The following GDAP1 variants were observed in gnomAD, a reference collection of about 807,000 sequenced individuals.
GDAP1 encodes ganglioside-induced differentiation-associated protein 1.
Under a neutral mutation model 40.1 loss-of-function variants are expected in GDAP1, and 34 were observed. The ratio of observed to expected loss-of-function variants is 0.85; its 90% CI spans 0.64 to 1.13. The LOEUF (loss-of-function observed/expected upper bound fraction) is 1.13, where lower values mean the gene tolerates loss of function less well. Among genes scored for constraint, GDAP1 ranks in the 50% most tolerant of loss-of-function variants. GDAP1 has a pLI of 0.00. For synonymous variants in GDAP1, 170 were observed against 157.4 expected (o/e 1.08, Z -0.60); for missense variants, 374 against 433.7 (o/e 0.86, Z 1.22).
chr8:74,454,838 A>G lies in GDAP1; in HGVS notation c.166-33840A>G, dbSNP rs150911431. ...TCAAATTAAATTCTTTTGCCTCTTTAAAAGAAGCTGGGATAGACATATTTG... is the reference window on the plus strand; with the variant it reads ...TCAAATTAAATTCTTTTGCCTCTTTGAAAGAAGCTGGGATAGACATATTTG... On this transcript the variant is annotated intron_variant, in intron 2 of 2. Transcript: ENST00000523640. 3.3e-3 allele frequency among the ~76,000 whole-genome samples: 503 copies of G among 151,466 alleles called. 8 individuals are homozygous for G. Among genetic ancestry groups the G allele is most frequent in the Admixed American group, 0.024 (358 of 15,182 alleles).
chr8:74,360,407 G>A, intron 3 of GDAP1, 97 bp downstream of exon 3: 6 of 1,059,442 alleles, frequency 5.7e-6, no homozygotes, highest in South Asian at 2.5e-5. Context: ...AAGAAGATTG[G>A]GAATAGGGTT....
chr8:74,373,430 C>T (rs149824330), intron 2 of GDAP1, among the ~76,000 whole-genome samples: 13 of 152,098 alleles, frequency 8.5e-5, no homozygotes, highest in East Asian at 7.8e-4. Flanking sequence ...TCTTTTATTT[C>T]GTTGAGCACT....
intron 2 of GDAP1, among the ~76,000 whole-genome samples, chr8:74,478,919 G>A (rs184296481): frequency 1.1e-4 from 17 of 152,278 alleles, no homozygotes; most frequent in African/African-American, 3.8e-4. Context: ...TCCAGTGCAT[G>A]GTAGCCTTGT....
chr8:74,423,144 T>G (rs978992823), intron 2 of GDAP1, among the ~76,000 whole-genome samples: 10 of 147,472 alleles, frequency 6.8e-5, no homozygotes, highest in Admixed American at 5.5e-4. Context: ...ATCAAATATT[T>G]TTTGAACACC....
rs1810217294 is a variant in GDAP1 at position 74,397,245 on chromosome 8, T to A, written c.165+45924T>A. 2.0e-5 allele frequency among the ~76,000 whole-genome samples: 3 copies of A among 151,704 alleles called. No individual in the cohort carries two copies. The South Asian group carries it at 6.2e-4, about 31-fold the overall frequency. On this transcript the variant is annotated intron_variant, in intron 2 of 2. Transcript: ENST00000523640. Reference sequence around the variant, plus strand: ...AAATTTGTTTGAATTCATTGTAGATTCTGGATATTAGCCCTTTGTCAGATG... The same window carrying A: ...AAATTTGTTTGAATTCATTGTAGATACTGGATATTAGCCCTTTGTCAGATG...
chr8:74,455,071 A>G (rs1806319045), intron 2 of GDAP1, among the ~76,000 whole-genome samples: 2 of 152,130 alleles, frequency 1.3e-5, no homozygotes, highest in Admixed American at 1.3e-4. Flanking sequence ...AGACAATATG[A>G]GTGTTTCATA....
At chr8:74,422,876 T>A (rs547552704) in intron 2 of GDAP1, among the ~76,000 whole-genome samples, 10 of 151,860 alleles carry the variant, frequency 6.6e-5, no homozygotes, top group Admixed American at 1.3e-4. Context: ...AGACAGGGAC[T>A]AGAGTTGTTT....
At position 74,365,819 on chromosome 8, in the gene GDAP1, CTCAG is replaced by C. The variant is rs747652100; in HGVS notation, c.*1456_*1459del. On this transcript the variant is annotated 3_prime_UTR_variant, in exon 6 of 6. Transcript: ENST00000220822. ...AAATTAATAAAACCTCCAGAGTAAACTCAGTCAAACAATAATTGAGTAGCAGCTT... is the reference window on the plus strand; with the variant it reads ...AAATTAATAAAACCTCCAGAGTAAACTCAAACAATAATTGAGTAGCAGCTT... 83 of 454,180 alleles carry C rather than the reference CTCAG, an allele frequency of 1.8e-4. No homozygotes were observed. Among genetic ancestry groups the C allele is most frequent in the African/African-American group, 1.4e-3 (72 of 50,046 alleles). The allele number at this position is 454,180 out of a possible 1,614,324, so 28.1% of individuals were successfully genotyped here.
chr8:74,351,846 A>AG (rs1239545561), intron 2 of GDAP1, among the ~76,000 whole-genome samples: 2 of 152,182 alleles, frequency 1.3e-5, no homozygotes, highest in East Asian at 1.9e-4. Flanking sequence ...TAAAAACAAG[A>AG]GGGAAAAAAG....
intron 2 of GDAP1, among the ~76,000 whole-genome samples, chr8:74,422,630 C>T (rs1805893037): frequency 6.6e-6 from 1 of 151,552 alleles, no homozygotes; most frequent in Non-Finnish European, 1.5e-5. Context: ...GAAGCACTTT[C>T]CCCCAAGGTC....
chr8:74,371,653 C>A (rs180766181), downstream of GDAP1, among the ~76,000 whole-genome samples: 116 of 150,674 alleles, frequency 7.7e-4, no homozygotes, highest in African/African-American at 2.8e-3. Flanking sequence ...GAGCGAGACT[C>A]CGTCTCAAAA....
intron 2 of GDAP1, among the ~76,000 whole-genome samples, chr8:74,478,249 C>T (rs552466193): frequency 2.6e-5 from 4 of 152,056 alleles, no homozygotes; most frequent in South Asian, 2.1e-4. Context: ...GTCAGGTGCA[C>T]GTGCACACAT....
At chr8:74,426,740 T>A (rs1805951974) in intron 2 of GDAP1, among the ~76,000 whole-genome samples, 1 of 152,220 alleles carries the variant, frequency 6.6e-6, no homozygotes, top group South Asian at 2.1e-4. Flanking sequence ...TGAACAGACA[T>A]CTTCTTGATT....
chr8:74,483,934 G>A (rs894248657), intron 2 of GDAP1, among the ~76,000 whole-genome samples: 3 of 152,152 alleles, frequency 2.0e-5, no homozygotes, highest in Non-Finnish European at 4.4e-5. Context: ...CACGGATTTC[G>A]ACAGGATGAA....
intron 2 of GDAP1, among the ~76,000 whole-genome samples, chr8:74,355,608 A>G (rs1004123070): frequency 1.3e-5 from 2 of 152,220 alleles, no homozygotes; most frequent in Admixed American, 1.3e-4. Flanking sequence ...AGGTGAATGT[A>G]CACACAAATG....
At position 74,401,585 on chromosome 8, in the gene GDAP1, A is replaced by G. The variant is rs1810341447; in HGVS notation, c.165+50264A>G. On this transcript the variant is annotated intron_variant, in intron 2 of 2. Transcript: ENST00000523640. Reference sequence around the variant, plus strand: ...GTCATTCTCCGTCCAGCTTTGTTCCATTGCTGGTGAGGAAATGCGTTCCTT... The same window carrying G: ...GTCATTCTCCGTCCAGCTTTGTTCCGTTGCTGGTGAGGAAATGCGTTCCTT... Among the ~76,000 whole-genome samples the G allele has an allele frequency of 1.4e-5, 2 of 147,368 alleles. 1 individual carries two copies. Among genetic ancestry groups the G allele is most frequent in the Admixed American group, 1.3e-4 (2 of 14,994 alleles).
intron 2 of GDAP1, among the ~76,000 whole-genome samples, chr8:74,427,850 G>A (rs1204462095): frequency 1.3e-5 from 2 of 151,920 alleles, no homozygotes; most frequent in African/African-American, 4.8e-5. Flanking sequence ...TGTGCCTTGT[G>A]CATATATTAC....
intron 2 of GDAP1, among the ~76,000 whole-genome samples, chr8:74,477,825 A>G (rs914306035): frequency 1.3e-5 from 2 of 152,154 alleles, no homozygotes; most frequent in African/African-American, 4.8e-5. Flanking sequence ...AGCTGGGGCA[A>G]GGTGCTAGTA....
chr8:74,442,753 A>G (rs544415068), intron 2 of GDAP1, among the ~76,000 whole-genome samples: 20 of 152,318 alleles, frequency 1.3e-4, no homozygotes, highest in Non-Finnish European at 2.6e-4. Flanking sequence ...AAAGGGCCCA[A>G]TGCTACTGGA....
Sources: gnomAD v4.1 joint callset for allele counts (sites outside exome capture counted in the v4.1 genomes callset) on GRCh38, gnomAD v4.1.1 for gene constraint, MANE v1.5 for transcripts, NCBI Gene and HGNC (gene_info 2026-07-23, HGNC 2026-07-21) for gene names.